AGPS: variants seen among roughly 807,000 people sequenced by gnomAD.
AGPS encodes the protein alkylglycerone phosphate synthase.
AGPS carries 26 observed loss-of-function variants against 90.7 expected under a neutral mutation model. The ratio of observed to expected loss-of-function variants is 0.29; its 90% CI spans 0.21 to 0.40. The LOEUF (loss-of-function observed/expected upper bound fraction) is 0.40. Among genes scored for constraint, AGPS ranks in the 10% least tolerant of loss-of-function variants. AGPS has a pLI of 1.00. For synonymous variants in AGPS, 294 were observed against 285.3 expected (o/e 1.03, Z -0.31); for missense variants, 540 against 816.1 (o/e 0.66, Z 4.12).
chr2:177,497,562 G>T, intron 12 of AGPS, 127 bp from the exon 13 acceptor site: 1 of 411,428 alleles, frequency 2.4e-6, no homozygotes, highest in South Asian at 6.1e-5. Flanking sequence ...TAAATAACAC[G>T]GGAAGATTTT....
chr2:177,432,604 T>G (rs1170136894), intron 2 of AGPS, among the ~76,000 whole-genome samples: 1 of 152,236 alleles, frequency 6.6e-6, no homozygotes, highest in Admixed American at 6.5e-5. Context: ...ATATAAAGAC[T>G]TTATTTTAGT....
intron 8 of AGPS, among the ~76,000 whole-genome samples, chr2:177,447,577 T>G (rs1686815843): frequency 1.3e-5 from 2 of 151,794 alleles, no homozygotes; most frequent in Non-Finnish European, 2.9e-5. Context: ...GCATTTGATG[T>G]AGTATTTTAA....
chr2:177,502,695 T>C (rs1194274743), intron 14 of AGPS, among the ~76,000 whole-genome samples: 1 of 152,156 alleles, frequency 6.6e-6, no homozygotes, highest in Non-Finnish European at 1.5e-5. Context: ...CCTCCCAAAG[T>C]GCTGGGGTTA....
At chr2:177,495,588 T>G (rs911245614) in intron 12 of AGPS, among the ~76,000 whole-genome samples, 2 of 151,798 alleles carry the variant, frequency 1.3e-5, no homozygotes, top group African/African-American at 4.8e-5. Context: ...GCTAGTAAAT[T>G]TGGAAGTGAG....
chr2:177,461,857 A>G lies in AGPS; in HGVS notation c.871-36A>G, dbSNP rs199661624. 16 of 1,590,510 alleles carry G rather than the reference A, an allele frequency of 1.0e-5. No homozygotes were observed. The East Asian group carries it at 3.5e-4, about 34-fold the overall frequency. Reference sequence around the variant, plus strand: ...GTTGAGTGCTGTACGTAATGGGACCATTTTCACTGTAAAATGTTAAATTTT... The same window carrying G: ...GTTGAGTGCTGTACGTAATGGGACCGTTTTCACTGTAAAATGTTAAATTTT... On this transcript the variant is annotated intron_variant, in intron 8 of 19. Coordinates refer to ENST00000264167, the MANE Select transcript of AGPS (RefSeq NM_003659.4).
At chr2:177,488,258 G>A (rs909647427) in intron 11 of AGPS, among the ~76,000 whole-genome samples, 2 of 151,224 alleles carry the variant, frequency 1.3e-5, no homozygotes, top group African/African-American at 2.4e-5. Flanking sequence ...TGTCACCCAG[G>A]CTGGAGTGCA....
intron 7 of AGPS, among the ~76,000 whole-genome samples, chr2:177,444,192 G>A (rs1453903622): frequency 7.9e-5 from 12 of 152,032 alleles, no homozygotes; most frequent in Admixed American, 7.2e-4. Flanking sequence ...AGGCTGAGGT[G>A]GGCAGATCAT....
intron 10 of AGPS, among the ~76,000 whole-genome samples, chr2:177,474,127 A>G (rs1386426271): frequency 6.6e-6 from 1 of 152,214 alleles, no homozygotes; most frequent in Non-Finnish European, 1.5e-5. Flanking sequence ...GTACATTTAT[A>G]AAATTTGGAT....
chr2:177,521,570 G>C (rs1366586078), intron 18 of AGPS, among the ~76,000 whole-genome samples: 1 of 152,158 alleles, frequency 6.6e-6, no homozygotes, highest in Admixed American at 6.5e-5. Flanking sequence ...TGTACACCTA[G>C]TCTGTGATTC....
At chr2:177,443,830 A>T (rs1296555014) in intron 7 of AGPS, among the ~76,000 whole-genome samples, 1 of 152,194 alleles carries the variant, frequency 6.6e-6, no homozygotes, top group Non-Finnish European at 1.5e-5. Context: ...GGGATGTAAT[A>T]GGGTAGCCTA....
At chr2:177,452,107 G>A (rs1447312687) in intron 8 of AGPS, among the ~76,000 whole-genome samples, 1 of 152,112 alleles carries the variant, frequency 6.6e-6, no homozygotes, top group Admixed American at 6.6e-5. Context: ...CCACAGTACA[G>A]CCTATTTTTA....
chr2:177,462,110 C>G lies in AGPS; in HGVS notation c.996+92C>G, dbSNP rs1979059. 0.87 allele frequency: 1,062,015 copies of G among 1,213,940 alleles called. 465,246 individuals carry two copies. The highest frequency in any genetic ancestry group is 0.99 in the East Asian group (29,575 of 29,906). The allele number at this position is 1,213,940 out of a possible 1,614,324, so 75.2% of individuals were successfully genotyped here. On this transcript the variant is annotated intron_variant, in intron 9 of 19. Transcript: ENST00000264167. ...AAGCCTTTAAAAATTAAGAGTTGGG[C>G]CTGGGCGCGGTGGCCAATGCCTGTA...
chr2:177,528,849 CTTTTTTTTTTT>C (rs71008000), intron 19 of AGPS, among the ~76,000 whole-genome samples: 3 of 79,142 alleles, frequency 3.8e-5, no homozygotes, highest in East Asian at 4.5e-4. Context: ...CATATTAATC[CTTTTTTTTTTT>C]TTTTTTTTTT....
At position 177,523,767 on chromosome 2, in the gene AGPS, T is replaced by A. The variant is rs1482307617; in HGVS notation, c.1817T>A (p.Ile606Asn). The stretch of plus-strand genomic sequence containing the variant: ...ATACAGGCAGCTGCTAGAGAAGAAA[T>A]CCTTGCTAATGGAGGGAGCCTGTCA... ...EQTEAAAREE[I>N]LANGGSLSHH... The change falls in exon 19 of 20, where the codon ATC (isoleucine) becomes AAC (asparagine). Residue 606 changes from isoleucine (I) to asparagine (N), a missense_variant. Physicochemically the swap from Ile to Asn is moderately radical, Grantham distance 149 (BLOSUM62 -3). This residue lies in a region of AGPS where 405 missense variants were observed against 692.1 expected (regional missense o/e 0.59). Coordinates refer to ENST00000264167, the MANE Select transcript of AGPS (RefSeq NM_003659.4). 4 of 1,614,014 alleles carry A rather than the reference T, an allele frequency of 2.5e-6. No homozygotes were observed. Among genetic ancestry groups the A allele is most frequent in the Non-Finnish European group, 3.4e-6 (4 of 1,179,906 alleles).
At chr2:177,445,797 A>G in intron 8 of AGPS, among the ~76,000 whole-genome samples, 171 bp downstream of exon 8, 1 of 152,210 alleles carries the variant, frequency 6.6e-6, no homozygotes, top group East Asian at 1.9e-4. Flanking sequence ...TGGGTCAAGC[A>G]TTGAGCTAGA....
chr2:177,465,431 A>G (rs1687417843), intron 9 of AGPS, among the ~76,000 whole-genome samples: 1 of 152,274 alleles, frequency 6.6e-6, no homozygotes, highest in Non-Finnish European at 1.5e-5. Flanking sequence ...ACCTTTGCCC[A>G]AGTTTTGCTT....
intron 1 of AGPS, among the ~76,000 whole-genome samples, chr2:177,414,897 C>CGTGTGT (rs397986794): frequency 0.11 from 16,423 of 146,240 alleles, 1,121 homozygotes; most frequent in East Asian, 0.31. Flanking sequence ...TATGAAGGTT[C>CGTGTGT]GTGTGTGTGT....
Position 177,495,911 on chromosome 2 carries a change from C to T in AGPS, c.1286-1778C>T, listed in dbSNP as rs868385143. Among the ~76,000 whole-genome samples the T allele has an allele frequency of 9.1e-3, 680 of 74,814 alleles. 8 individuals carry two copies. Among genetic ancestry groups the T allele is most frequent in the African/African-American group, 0.033 (633 of 19,092 alleles). 49.1% of individuals were successfully genotyped at this position (74,814 alleles called of 152,430 possible). The stretch of plus-strand genomic sequence containing the variant: ...CCAGCCTGGGTGACACAGTGAGACT[C>T]TGTCTCAAAAAAAAAAAAAAAAAAA... On this transcript the variant is annotated intron_variant, in intron 12 of 19. Coordinates refer to ENST00000264167, the MANE Select transcript of AGPS (RefSeq NM_003659.4).
chr2:177,437,705 C>G (rs1006274906), intron 5 of AGPS, among the ~76,000 whole-genome samples: 13 of 152,084 alleles, frequency 8.5e-5, no homozygotes. Context: ...TTAAAGAGTT[C>G]TATTGATCTT....
Sources: allele counts gnomAD v4.1 joint callset (sites outside exome capture counted in the v4.1 genomes callset), GRCh38; gene constraint gnomAD v4.1.1; regional missense constraint gnomAD v4.1.1; transcripts MANE v1.5; gene names NCBI Gene and HGNC (gene_info 2026-07-23, HGNC 2026-07-21).